Variants in MRM1 observed in about 807,000 individuals in gnomAD.
MRM1 encodes the protein mitochondrial rRNA methyltransferase 1.
A neutral mutation model predicts 25.0 loss-of-function variants in MRM1; 24 were observed. The observed-to-expected ratio is 0.96, with a 90% CI of 0.69 to 1.35. The LOEUF is 1.35. Ranked by LOEUF, MRM1 falls within the 40% of genes most tolerant of loss-of-function variation. The pLI is 0.00. For synonymous variants in MRM1, 188 were observed against 199.2 expected (o/e 0.94, Z 0.47); for missense variants, 431 against 464.1 (o/e 0.93, Z 0.65).
the MRM1 span, among the ~76,000 whole-genome samples, chr17:36,633,151 C>T: frequency 6.6e-6 from 1 of 152,210 alleles, no homozygotes; most frequent in Admixed American, 6.5e-5. Flanking sequence ...GGATCACAGG[C>T]TTCAGAAACC....
the MRM1 span, among the ~76,000 whole-genome samples, chr17:36,616,487 A>T: frequency 6.6e-6 from 1 of 152,192 alleles, no homozygotes. Flanking sequence ...AGCCCCTTGC[A>T]TAGATACAGG....
chr17:36,633,897 T>A, the MRM1 span, among the ~76,000 whole-genome samples: 1 of 152,180 alleles, frequency 6.6e-6, no homozygotes, highest in Admixed American at 6.5e-5. Flanking sequence ...CTGAAGGAGA[T>A]GAATTCCAGG....
At chr17:36,616,757 G>T in the MRM1 span, among the ~76,000 whole-genome samples, 1 of 152,108 alleles carries the variant, frequency 6.6e-6, no homozygotes, top group Non-Finnish European at 1.5e-5. Context: ...TATAGACAGG[G>T]TCTTGCTCTG....
chr17:36,610,406 G>A (rs927483758), downstream of MRM1, among the ~76,000 whole-genome samples: 2 of 151,894 alleles, frequency 1.3e-5, no homozygotes, highest in East Asian at 1.9e-4. Flanking sequence ...CTAATTTTTT[G>A]TGTTTTTCAT....
intron 2 of MRM1, chr17:36,603,311 C>A: frequency 1.6e-6 from 1 of 638,674 alleles, no homozygotes; most frequent in Non-Finnish European, 1.9e-6. Flanking sequence ...CTAGTAGCCA[C>A]ATTGAAAAGT....
the MRM1 span, among the ~76,000 whole-genome samples, chr17:36,623,830 C>T: frequency 2.0e-5 from 3 of 152,108 alleles, no homozygotes; most frequent in African/African-American, 7.2e-5. Context: ...CAGATTCATT[C>T]CCTTGCTGTT....
chr17:36,609,561 C>A (rs59236635), downstream of MRM1, among the ~76,000 whole-genome samples: 319 of 152,284 alleles, frequency 2.1e-3, 2 homozygotes, highest in African/African-American at 7.6e-3. Flanking sequence ...TGTAGCATGA[C>A]CTCTCATTAT....
chr17:36,616,931 G>T, the MRM1 span, among the ~76,000 whole-genome samples: 4 of 152,118 alleles, frequency 2.6e-5, no homozygotes, highest in Admixed American at 1.3e-4. Flanking sequence ...TCCCTATGTT[G>T]CCCAGGCTGG....
Position 36,605,153 on chromosome 17 carries a change from A to AAG in MRM1, c.637-2495_637-2494dup, listed in dbSNP as rs35548352. On this transcript the variant is annotated intron_variant, in intron 2 of 4. Transcript: ENST00000614766. The stretch of plus-strand genomic sequence containing the variant: ...GAAACTCTATCTCAAAAAAAAAAAA[A>AAG]AGAGAGAGAGAGAGAGAGAGAGATG... Among the ~76,000 whole-genome samples, 1,347 of 145,146 alleles carry AAG rather than the reference A, an allele frequency of 9.3e-3. 2 individuals carry two copies. The highest frequency in any genetic ancestry group is 0.014 in the African/African-American group (535 of 38,594).
chr17:36,602,582 C>A lies in MRM1; in HGVS notation c.572C>A (p.Ser191Tyr), dbSNP rs531651883. ...SCPLTPVVSK[S>Y]SAGAMEVMDV... ...CCGCTCACTCCAGTAGTCAGCAAGT[C>A]CAGCGCGGGGGCTATGGAGGTGATG... is the stretch of plus-strand genomic sequence containing the variant. Residue 191 changes from serine (S) to tyrosine (Y), a missense_variant, in exon 2 of 5, where the codon TCC (serine) becomes TAC (tyrosine). By Grantham distance (144) the Ser-to-Tyr change is moderately radical. Coordinates refer to ENST00000614766, the MANE Select transcript of MRM1 (RefSeq NM_024864.5). This position sits in a 1 kb window ranked among gnomAD's most constrained non-coding sequence, Gnocchi z 4.1. 6.2e-7 allele frequency: 1 copy of A among 1,614,186 alleles called. No homozygotes were observed. Among genetic ancestry groups the A allele is most frequent in the Admixed American group, 1.7e-5 (1 of 60,032 alleles).
downstream of MRM1, among the ~76,000 whole-genome samples, chr17:36,613,238 T>C (rs4796231): frequency 0.41 from 61,804 of 151,254 alleles, 13,887 homozygotes; most frequent in African/African-American, 0.6. Context: ...ACAGCACACC[T>C]CCCACCCCCG....
At chr17:36,603,065 A>C in intron 2 of MRM1, 1 of 985,424 alleles carries the variant, frequency 1.0e-6, no homozygotes, top group Non-Finnish European at 1.2e-6. Flanking sequence ...GCAAGAGACA[A>C]ACCTTGGAAA....
the MRM1 span, among the ~76,000 whole-genome samples, chr17:36,633,161 C>T: frequency 6.6e-6 from 1 of 152,186 alleles, no homozygotes; most frequent in South Asian, 2.1e-4. Flanking sequence ...CTTCAGAAAC[C>T]CTGAGGGGAA....
chr17:36,630,758 G>C, the MRM1 span, among the ~76,000 whole-genome samples: 2 of 152,186 alleles, frequency 1.3e-5, no homozygotes, highest in Non-Finnish European at 2.9e-5. Flanking sequence ...GAGGAGTTAG[G>C]AGATGGGCAG....
intron 2 of MRM1, chr17:36,603,163 C>T (rs1308794978): frequency 6.1e-6 from 6 of 984,808 alleles, no homozygotes; most frequent in Admixed American, 6.2e-5. Context: ...TCCCCTCTGA[C>T]CATACCCCCC....
In MRM1 at chr17:36,607,698, C is replaced by A; in HGVS notation, c.665C>A (p.Ala222Asp). ...QTKAQQGWLV[A>D]GTVGCPSTED... ...AAAGCCCAGCAGGGCTGGCTCGTGGCCGGCACGGTGGGCTGCCCAAGCACA... is the reference window on the plus strand; with the variant it reads ...AAAGCCCAGCAGGGCTGGCTCGTGGACGGCACGGTGGGCTGCCCAAGCACA... The change falls in exon 3 of 5, where the codon GCC becomes GAC. Residue 222 changes from alanine to aspartate, a missense_variant. Physicochemically the swap from Ala to Asp is moderately radical, Grantham distance 126. Coordinates refer to ENST00000614766, the MANE Select transcript of MRM1 (RefSeq NM_024864.5). 1 of 1,614,138 alleles carries A rather than the reference C, an allele frequency of 6.2e-7. No individual in the cohort carries two copies. Among genetic ancestry groups the A allele is most frequent in the Non-Finnish European group, 8.5e-7 (1 of 1,180,006 alleles).
chr17:36,626,134 G>A, the MRM1 span, among the ~76,000 whole-genome samples: 2 of 152,060 alleles, frequency 1.3e-5, no homozygotes, highest in Non-Finnish European at 2.9e-5. Flanking sequence ...CCCCGCCCCC[G>A]GACCCATCCT....
In MRM1 at chr17:36,608,457, GC is replaced by G. The variant is rs1374101194; in HGVS notation, c.*44del. On this transcript the variant is annotated 3_prime_UTR_variant, in exon 5 of 5. Transcript: ENST00000614766. ...TGTTCATGTGCTGGAGTCAGGGACG[GC>G]CGCACCTGCCTCCGCCGGCTCCAGT... 2.2e-6 allele frequency: 3 copies of G among 1,359,024 alleles called. No homozygotes were observed. The allele number at this position is 1,359,024 out of a possible 1,614,324, so 84.2% of individuals were successfully genotyped here. A position where few individuals can be genotyped will look rare whatever the true frequency, so the allele number is the denominator to read the frequency against.
chr17:36,608,412 C>A lies in MRM1; in HGVS notation c.1059C>A (p.Gly353=). 1 of 1,554,818 alleles carries A rather than the reference C, an allele frequency of 6.4e-7. No individual in the cohort carries two copies. Among genetic ancestry groups the A allele is most frequent in the Admixed American group, 2.0e-5 (1 of 50,270 alleles). The change falls in exon 5 of 5, where the codon GGC becomes GGA. Residue 353 remains glycine (G), a synonymous_variant. Coordinates refer to ENST00000614766, the MANE Select transcript of MRM1 (RefSeq NM_024864.5). Reference sequence around the variant, plus strand: ...CAGAGAAAGAGAGGCAAAATGAGGGCTGACGTGGACTGTCCACAGTGTTCA... The same window carrying A: ...CAGAGAAAGAGAGGCAAAATGAGGGATGACGTGGACTGTCCACAGTGTTCA... The part of the protein sequence containing the change: ...SGPEKERQNE[G]
Sources: gnomAD v4.1 joint callset for allele counts (sites outside exome capture counted in the v4.1 genomes callset) on GRCh38, gnomAD v4.1.1 for gene constraint, Gnocchi (gnomAD v3.1) non-coding constraint, MANE v1.5 for transcripts, NCBI Gene and HGNC (gene_info 2026-07-23, HGNC 2026-07-21) for gene names.